BRWD1: variants seen among roughly 807,000 people sequenced by gnomAD.
BRWD1 encodes the protein bromodomain and WD repeat-containing protein 1.
A neutral mutation model predicts 251.2 loss-of-function variants in BRWD1; 82 were observed. That is an observed-to-expected ratio of 0.33 (90% confidence interval 0.27 to 0.39). BRWD1 has a LOEUF of 0.39. Among genes scored for constraint, BRWD1 ranks in the 10% least tolerant of loss-of-function variants. The probability of loss-of-function intolerance (pLI) is 1.00; values close to 1 mark genes in which losing one functional copy is unlikely to be tolerated. For missense variants in BRWD1, 2,233 were observed against 2,711.6 expected (o/e 0.82, Z 3.92); for synonymous variants, 918 against 902.8 (o/e 1.02, Z -0.30).
chr21:39,233,244 G>A (rs1377605402), intron 23 of BRWD1, among the ~76,000 whole-genome samples: 1 of 152,180 alleles, frequency 6.6e-6, no homozygotes, highest in African/African-American at 2.4e-5. Flanking sequence ...TCAGATGACT[G>A]CAGCCCCAGT....
At chr21:39,234,744 T>C (rs1297394706) in intron 23 of BRWD1, among the ~76,000 whole-genome samples, 2 of 152,316 alleles carry the variant, frequency 1.3e-5, no homozygotes. Flanking sequence ...AAACACGATG[T>C]ATTTCAGAAG....
At chr21:39,270,250 CTCATT>C (rs1478780804) in intron 14 of BRWD1, 28 bp downstream of exon 14, 1 of 1,495,272 alleles carries the variant, frequency 6.7e-7, no homozygotes, top group Non-Finnish European at 8.9e-7. Flanking sequence ...TTCAAAAAAT[CTCATT>C]TGTTACACTG....
intron 8 of BRWD1, among the ~76,000 whole-genome samples, chr21:39,290,377 T>C (rs1449506128): frequency 1.3e-5 from 2 of 151,614 alleles, no homozygotes; most frequent in African/African-American, 4.9e-5. Flanking sequence ...TAGCCCCAGC[T>C]ACTCGGGAGG....
intron 36 of BRWD1, among the ~76,000 whole-genome samples, chr21:39,209,436 G>GA (rs779201176): frequency 0.021 from 2,589 of 122,978 alleles, 58 homozygotes; most frequent in African/African-American, 0.067. Context: ...GAGTAGGCTA[G>GA]AAAAAAAAAA....
Position 39,191,503 on chromosome 21 carries a change from T to C in BRWD1, c.*4756A>G, listed in dbSNP as rs1353516830. On this transcript the variant is annotated 3_prime_UTR_variant, in exon 41 of 41. Coordinates refer to ENST00000342449, the MANE Select transcript of BRWD1 (RefSeq NM_033656.4). ...AATCATCTAAATGAATAGATTAATT[T>C]AGAACATTAACGATCTTATGTGAAG... 4.1e-6 allele frequency: 4 copies of C among 978,816 alleles called. No individual in the cohort carries two copies. Among genetic ancestry groups the C allele is most frequent in the Admixed American group, 6.2e-5 (1 of 16,248 alleles). The allele number at this position is 978,816 out of a possible 1,614,324, so 60.6% of individuals were successfully genotyped here.
chr21:39,251,397 T>C (rs1429041056), intron 19 of BRWD1, among the ~76,000 whole-genome samples: 2 of 152,048 alleles, frequency 1.3e-5, no homozygotes, highest in Non-Finnish European at 2.9e-5. Context: ...AAGAAGAAGG[T>C]ACTAAAAATC....
intron 12 of BRWD1, among the ~76,000 whole-genome samples, 159 bp from the exon 13 acceptor site, chr21:39,274,631 G>A (rs191814102): frequency 7.2e-5 from 11 of 152,288 alleles, no homozygotes; most frequent in Non-Finnish European, 1.2e-4. Flanking sequence ...AGCGTATCTG[G>A]ATGGGAAAAA....
rs770662883 is a variant in BRWD1 at position 39,258,615 on chromosome 21, C to T, written c.1943G>A (p.Arg648His). ...ISLQTNDNDERSPESSILDGM... is the reference protein window; with the variant it reads ...ISLQTNDNDEHSPESSILDGM... ...ATCAAGAATACTCGATTCTGGGCTG[C>T]GTTCATCATTATCATTGGTTTGCAG... Residue 648 changes from arginine (R) to histidine (H), a missense_variant, in exon 18 of 41, where the codon CGC (arginine) becomes CAC (histidine). Arg to His is a conservative substitution (Grantham distance 29). This residue lies in a region of BRWD1 where 73 missense variants were observed against 68.1 expected (regional missense o/e 1.07). Transcript: ENST00000342449. 32 of 1,611,432 alleles carry T rather than the reference C, an allele frequency of 2.0e-5. No homozygotes were observed. Among genetic ancestry groups the T allele is most frequent in the Non-Finnish European group, 2.3e-5 (27 of 1,178,672 alleles).
chr21:39,214,944 C>A (rs1033665697), intron 32 of BRWD1, among the ~76,000 whole-genome samples: 2 of 146,210 alleles, frequency 1.4e-5, no homozygotes, highest in Admixed American at 7.0e-5. Context: ...TGCAATGGCA[C>A]GATCCACACA....
intron 17 of BRWD1, among the ~76,000 whole-genome samples, chr21:39,261,647 CT>C (rs1219786970): frequency 6.6e-6 from 1 of 152,014 alleles, no homozygotes; most frequent in Non-Finnish European, 1.5e-5. Context: ...ACCTATGGGT[CT>C]GCAAACCACA....
rs535963638 is a variant in BRWD1, at chr21:39,224,919, A to C, written c.3320+167T>G. ...TGAACCAAGGGGAGTACTGGTGAAT[A>C]GGAAACAAAGAGTAGGTGCATGTCT... On this transcript the variant is annotated intron_variant, in intron 28 of 40. Coordinates refer to ENST00000342449, the MANE Select transcript of BRWD1 (RefSeq NM_033656.4). 6.6e-5 allele frequency among the ~76,000 whole-genome samples: 10 copies of C among 152,320 alleles called. No individual in the cohort carries two copies. The South Asian group carries it at 1.9e-3, about 28-fold the overall frequency.
chr21:39,285,857 T>A (rs74951742), intron 8 of BRWD1, among the ~76,000 whole-genome samples: 13,215 of 128,346 alleles, frequency 0.1, 763 homozygotes, highest in Middle Eastern at 0.14. Context: ...GGAGCATCAC[T>A]TGAGCCCAGT....
At chr21:39,217,975 C>T (rs962640104) in intron 31 of BRWD1, among the ~76,000 whole-genome samples, 177 bp downstream of exon 31, 1 of 152,040 alleles carries the variant, frequency 6.6e-6, no homozygotes, top group East Asian at 1.9e-4. Flanking sequence ...CAATCTTCTG[C>T]CTGGCCCTAC....
intron 10 of BRWD1, 42 bp downstream of exon 10, chr21:39,278,701 T>TG: frequency 5.5e-6 from 6 of 1,094,018 alleles, no homozygotes; most frequent in Non-Finnish European, 7.6e-6. Context: ...AATAGATGTT[T>TG]AAAAAAAAAA....
At position 39,232,432 on chromosome 21, in the gene BRWD1, C is replaced by G; in HGVS notation, c.2833G>C (p.Val945Leu). The G allele has an allele frequency of 6.3e-7, 1 of 1,591,710 alleles. No individual in the cohort carries two copies. Among genetic ancestry groups the G allele is most frequent in the Non-Finnish European group, 8.5e-7 (1 of 1,175,080 alleles). ...CTAAGTGTGGTGTCAGTAATCCAAA[C>G]TGGAGGGTGAAATTCATATAAATGC... ...MEHLYEFHPP[V>L]WITDTTLRKS... The change falls in exon 24 of 41, where the codon GTT (valine) becomes CTT (leucine). Residue 945 changes from valine to leucine, a missense_variant. Physicochemically the swap from Val to Leu is conservative, Grantham distance 32. Transcript: ENST00000342449.
At chr21:39,207,525 A>G (rs1399348068) in intron 36 of BRWD1, among the ~76,000 whole-genome samples, 2 of 151,458 alleles carry the variant, frequency 1.3e-5, no homozygotes, top group African/African-American at 4.9e-5. Context: ...AAGGATGTGA[A>G]CAAACTGTGG....
At chr21:39,316,298 G>T (rs1007568899), upstream of BRWD1, among the ~76,000 whole-genome samples, 1 of 152,132 alleles carries the variant, frequency 6.6e-6, no homozygotes, top group Non-Finnish European at 1.5e-5. Context: ...GGCTTTCCAA[G>T]GTTGTGCCAA....
At chr21:39,302,770 AAAAGT>A (rs901153825) in intron 4 of BRWD1, among the ~76,000 whole-genome samples, 2 of 150,242 alleles carry the variant, frequency 1.3e-5, no homozygotes, top group African/African-American at 2.5e-5. Context: ...AAAAAAAAAA[AAAAGT>A]AAGGCCAGGC....
chr21:39,298,396 T>G (rs1450078601), intron 5 of BRWD1, 36 bp downstream of exon 5: 2 of 1,522,036 alleles, frequency 1.3e-6, no homozygotes, highest in African/African-American at 1.4e-5. Context: ...ATTAGGCTAT[T>G]AATACAAAGC....
Sources: gnomAD v4.1 joint callset for allele counts (sites outside exome capture counted in the v4.1 genomes callset) on GRCh38, gnomAD v4.1.1 for gene constraint, gnomAD v4.1.1 regional missense constraint, MANE v1.5 for transcripts, NCBI Gene and HGNC (gene_info 2026-07-23, HGNC 2026-07-21) for gene names.